Variants in NDST3 observed in about 807,000 individuals in gnomAD.
The protein encoded by NDST3 is bifunctional heparan sulfate N-deacetylase/N-sulfotransferase 3.
Under a neutral mutation model 96.1 loss-of-function variants are expected in NDST3, and 58 were observed. The observed-to-expected ratio is 0.60, with a 90% CI of 0.49 to 0.75. The LOEUF (loss-of-function observed/expected upper bound fraction) is 0.75, where lower values mean the gene tolerates loss of function less well. Among genes scored for constraint, NDST3 ranks in the 30% least tolerant of loss-of-function variants. NDST3 has a pLI of 0.00. For synonymous variants in NDST3, 333 were observed against 359.7 expected (o/e 0.93, Z 0.84); for missense variants, 788 against 1,034.2 (o/e 0.76, Z 3.27).
chr4:118,052,664 A>G (rs1725145595), intron 1 of NDST3, among the ~76,000 whole-genome samples: 1 of 151,996 alleles, frequency 6.6e-6, no homozygotes, highest in South Asian at 2.1e-4. Flanking sequence ...TATCTGAGAA[A>G]AAATATTGTT....
chr4:118,034,191 G>T (rs2110413202), upstream of NDST3, among the ~76,000 whole-genome samples: 1 of 152,300 alleles, frequency 6.6e-6, no homozygotes, highest in Non-Finnish European at 1.5e-5. Context: ...TTATTTGCTT[G>T]CTCATATTTA....
chr4:118,238,149 A>AAGGAAG (rs1740767301), intron 10 of NDST3, among the ~76,000 whole-genome samples: 1 of 67,618 alleles, frequency 1.5e-5, no homozygotes. Context: ...GAGAGAGAAA[A>AAGGAAG]GAAAGAAAAG....
intron 2 of NDST3, among the ~76,000 whole-genome samples, chr4:118,086,455 C>A (rs1197531998): frequency 2.6e-5 from 4 of 152,060 alleles, no homozygotes; most frequent in African/African-American, 9.7e-5. Context: ...CTTAGTCATT[C>A]AGACACCACC....
intron 6 of NDST3, among the ~76,000 whole-genome samples, chr4:118,198,048 T>C (rs1224613448): frequency 3.3e-5 from 5 of 152,126 alleles, no homozygotes; most frequent in African/African-American, 4.8e-5. Context: ...TATGCCCACC[T>C]CAGCCTCCCA....
intron 3 of NDST3, among the ~76,000 whole-genome samples, chr4:118,107,996 T>C (rs1730340375): frequency 1.3e-5 from 2 of 152,154 alleles, no homozygotes; most frequent in Admixed American, 1.3e-4. Context: ...CTCACAATCA[T>C]GGCGGAAGAT....
chr4:118,224,617 C>T lies in NDST3; in HGVS notation c.1666C>T (p.Gln556Ter). 2 of 1,611,746 alleles carry T rather than the reference C, an allele frequency of 1.2e-6. No homozygotes were observed. The highest frequency in any genetic ancestry group is 1.7e-6 in the Non-Finnish European group (2 of 1,178,738). The change falls in exon 7 of 14, where the codon CAA (glutamine) becomes TAA (stop). Residue 556 changes from glutamine to a stop codon, truncating the protein, a stop_gained. Coordinates refer to ENST00000296499, the MANE Select transcript of NDST3 (RefSeq NM_004784.3). LOFTEE classifies it high-confidence loss of function. ...NLRLQTLPPV[Q>*]LAHKYFELFP... ...GCGACTTCAGACTCTGCCTCCAGTA[C>T]AACTGGCCCACAAGTATTTTGAGCT... is the stretch of plus-strand genomic sequence containing the variant.
At chr4:118,091,684 C>G (rs1056325699) in intron 2 of NDST3, among the ~76,000 whole-genome samples, 2 of 151,776 alleles carry the variant, frequency 1.3e-5, no homozygotes, top group African/African-American at 4.8e-5. Context: ...TATGAAGGAA[C>G]TCCTGGGATC....
intron 5 of NDST3, among the ~76,000 whole-genome samples, chr4:118,142,337 G>A (rs1243563169): frequency 2.0e-5 from 3 of 151,728 alleles, no homozygotes; most frequent in African/African-American, 7.3e-5. Context: ...TGATTGAGCT[G>A]TCTGTCCAAG....
chr4:118,233,254 T>C, intron 9 of NDST3, 119 bp downstream of exon 9: 1 of 892,858 alleles, frequency 1.1e-6, no homozygotes, highest in Non-Finnish European at 1.5e-6. Context: ...CCTCTGTGCC[T>C]TGGAAATTGA....
intron 2 of NDST3, chr4:118,055,689 G>A (rs1014322858): frequency 8.6e-5 from 13 of 151,870 alleles, no homozygotes; most frequent in African/African-American, 3.1e-4. Context: ...AAATGTCATA[G>A]GATTCTATCT....
chr4:118,105,199 C>A, intron 3 of NDST3, 94 bp downstream of exon 3: 1 of 784,454 alleles, frequency 1.3e-6, no homozygotes, highest in South Asian at 2.0e-5. Flanking sequence ...CCTACATTCC[C>A]TATGTTCCTC....
rs773415240 is a variant in NDST3, at chr4:118,054,532, T to C, written c.622T>C (p.Ser208Pro). ...TCCATTGATTCGTGTGACCAAATCT[T>C]CCAAGCTTGAAAAAGGTTCTTTACC... ...HSPLIRVTKS[S>P]KLEKGSLPGT... is the part of the protein sequence containing the mutation. The change falls in exon 2 of 14, where the codon TCC (serine) becomes CCC (proline). Residue 208 changes from serine (S) to proline (P), a missense_variant. By Grantham distance (74) the Ser-to-Pro change is moderately conservative (BLOSUM62 -1). Coordinates refer to ENST00000296499, the MANE Select transcript of NDST3 (RefSeq NM_004784.3). 7.4e-6 allele frequency: 12 copies of C among 1,613,188 alleles called. No homozygotes were observed.
At chr4:118,252,456 A>G (rs1447676134) in intron 12 of NDST3, among the ~76,000 whole-genome samples, 1 of 152,250 alleles carries the variant, frequency 6.6e-6, no homozygotes, top group Non-Finnish European at 1.5e-5. Context: ...GCTAAATGCT[A>G]TAAAATGGGA....
chr4:118,042,041 T>G (rs1196042812), intron 1 of NDST3, among the ~76,000 whole-genome samples: 1 of 152,220 alleles, frequency 6.6e-6, no homozygotes, highest in Non-Finnish European at 1.5e-5. Flanking sequence ...CAGACGTGCC[T>G]GTAACCTGTC....
chr4:118,221,122 C>G (rs895922045), intron 6 of NDST3, among the ~76,000 whole-genome samples: 1 of 151,868 alleles, frequency 6.6e-6, no homozygotes, highest in African/African-American at 2.4e-5. Context: ...TTTAAAACTT[C>G]CCAGTTGATT....
intron 6 of NDST3, among the ~76,000 whole-genome samples, chr4:118,147,326 T>C (rs1734020644): frequency 6.6e-6 from 1 of 152,108 alleles, no homozygotes; most frequent in Admixed American, 6.5e-5. Flanking sequence ...CCTCATGATA[T>C]ACCATGGGAG....
intron 12 of NDST3, among the ~76,000 whole-genome samples, chr4:118,247,206 T>TAAAA (rs34436506): frequency 7.0e-6 from 1 of 142,812 alleles, no homozygotes; most frequent in African/African-American, 2.6e-5. Context: ...CAGGGGGGTT[T>TAAAA]AAAAAAAAAA....
rs369215825 is a variant in NDST3, at chr4:118,204,262, G to A, written c.1540-20229G>A. 3.0e-4 allele frequency among the ~76,000 whole-genome samples: 31 copies of A among 101,790 alleles called. 5 individuals carry two copies. The highest frequency in any genetic ancestry group is 1.9e-3 in the Admixed American group (21 of 10,864). The allele number at this position is 101,790 out of a possible 152,430, so 66.8% of individuals were successfully genotyped here. Reference sequence around the variant, plus strand: ...TGGGGGTCACTGAAAGCTCTAATTCGGATCCCACTTCTGACACCATCTGTT... The same window carrying A: ...TGGGGGTCACTGAAAGCTCTAATTCAGATCCCACTTCTGACACCATCTGTT... On this transcript the variant is annotated intron_variant, in intron 6 of 13. Transcript: ENST00000296499.
intron 2 of NDST3, among the ~76,000 whole-genome samples, chr4:118,090,376 T>C (rs184251382): frequency 1.8e-4 from 27 of 152,104 alleles, no homozygotes; most frequent in Middle Eastern, 3.4e-3. Context: ...GAAAGGCTCA[T>C]TCTAAACTGG....
Sources: gnomAD v4.1 joint callset for allele counts (sites outside exome capture counted in the v4.1 genomes callset) on GRCh38, gnomAD v4.1.1 for gene constraint, MANE v1.5 for transcripts, NCBI Gene and HGNC (gene_info 2026-07-23, HGNC 2026-07-21) for gene names.